Variants in RALY observed in about 807,000 individuals in gnomAD.
RALY encodes the protein RALY heterogeneous nuclear ribonucleoprotein, also known as RNA-binding protein Raly.
A neutral mutation model predicts 30.7 loss-of-function variants in RALY; 15 were observed. That is an observed-to-expected ratio of 0.49 (90% CI 0.33 to 0.75). RALY has a LOEUF of 0.75. Ranked by LOEUF, RALY falls within the 30% of genes least tolerant of loss-of-function variation. RALY has a pLI of 0.02. For missense variants in RALY, 339 were observed against 414.3 expected, an observed-to-expected ratio of 0.82 and a Z score of 1.58; for synonymous variants, 177 against 170.8, an observed-to-expected ratio of 1.04 and a Z score of -0.28.
intron 1 of RALY, among the ~76,000 whole-genome samples, chr20:34,024,867 C>G (rs530460410): frequency 9.9e-5 from 15 of 152,236 alleles, no homozygotes; most frequent in African/African-American, 3.6e-4. Context: ...GTCAGGTATC[C>G]TTGTGAGGGG....
At chr20:34,063,366 G>A (rs990549465) in intron 2 of RALY, among the ~76,000 whole-genome samples, 1 of 152,166 alleles carries the variant, frequency 6.6e-6, no homozygotes, top group Non-Finnish European at 1.5e-5. Context: ...CAATCTAGTG[G>A]AATGGGAATA....
Position 34,024,409 on chromosome 20 carries a change from G to A in RALY, c.-92-7113G>A, listed in dbSNP as rs149459951. On this transcript the variant is annotated intron_variant, in intron 1 of 9. Coordinates refer to ENST00000246194, the MANE Select transcript of RALY (RefSeq NM_016732.3). ...GTTGGATCTTCTAGGGAAGGAGGAG[G>A]GGAAAACTAGAGATAGCTTCAGCTG... 9.5e-4 allele frequency among the ~76,000 whole-genome samples: 144 copies of A among 152,320 alleles called. 1 individual carries two copies. Among genetic ancestry groups the A allele is most frequent in the African/African-American group, 3.4e-3 (142 of 41,562 alleles).
intron 2 of RALY, among the ~76,000 whole-genome samples, chr20:34,063,794 C>G (rs1021487032): frequency 7.2e-5 from 11 of 152,144 alleles, no homozygotes; most frequent in Admixed American, 6.5e-5. Flanking sequence ...CAGGCCTCTT[C>G]TGGTGTCACT....
At chr20:34,069,003 G>GAGC (rs1385204138) in intron 2 of RALY, among the ~76,000 whole-genome samples, 2 of 152,232 alleles carry the variant, frequency 1.3e-5, no homozygotes, top group Non-Finnish European at 2.9e-5. Context: ...TGCCATAGGT[G>GAGC]AGCATTTCTC....
At chr20:34,001,019 G>A (rs181471409) in intron 1 of RALY, among the ~76,000 whole-genome samples, 47 of 152,312 alleles carry the variant, frequency 3.1e-4, no homozygotes, top group Admixed American at 1.3e-3. Flanking sequence ...AGTATTGAGA[G>A]TATCTCAGAG....
chr20:34,081,525 A>G lies in RALY; in HGVS notation c.*1620A>G, dbSNP rs1257485591. The stretch of plus-strand genomic sequence containing the variant: ...CCCTCCATCTTTACGTGTTGATCAA[A>G]GTTTGCAGATCTGCTGGAATCCTTA... On this transcript the variant is annotated 3_prime_UTR_variant, in exon 10 of 10. Transcript: ENST00000246194. 6.6e-6 allele frequency: 1 copy of G among 152,126 alleles called. No homozygotes were observed. Among genetic ancestry groups the G allele is most frequent in the African/African-American group, 2.4e-5 (1 of 41,390 alleles). The allele number at this position is 152,126 out of a possible 1,614,324, so 9.4% of individuals were successfully genotyped here. A position where few individuals can be genotyped will look rare whatever the true frequency, so the allele number is the denominator to read the frequency against.
At chr20:34,033,346 T>C (rs76729048) in intron 2 of RALY, 1 of 152,224 alleles carries the variant, frequency 6.6e-6, no homozygotes, top group Admixed American at 6.5e-5. Flanking sequence ...TAAGTGTCTG[T>C]CTTAGCTCGT....
rs746258941 is a variant in RALY, at chr20:34,077,084, AGCGGTGGCGGTGGCAGTGGTGGTG to A, written c.732_755del (p.Gly245_Ser252del). ...CGGCGGCGGCGGCGGTGGTGGTGGC[AGCGGTGGCGGTGGCAGTGGTGGTG>A]GCGGTGGCGGTGGCAGCAGCCGGCC... On this transcript the variant is annotated inframe_deletion, in exon 8 of 10. Transcript: ENST00000246194. 1.6e-4 allele frequency: 260 copies of A among 1,605,342 alleles called. 1 individual carries two copies. Among genetic ancestry groups the A allele is most frequent in the South Asian group, 8.2e-4 (74 of 90,186 alleles).
chr20:34,073,333 G>C (rs1373171428), intron 3 of RALY, among the ~76,000 whole-genome samples: 1 of 152,110 alleles, frequency 6.6e-6, no homozygotes, highest in East Asian at 1.9e-4. Context: ...AGCATGCCTG[G>C]ATGGATCTGA....
rs2033752444 is a variant in RALY at position 34,072,392 on chromosome 20, T to TTC, written c.256+65_256+66dup. ...TAGAATAGCTGCTATCACTATCCAGTTCTCAACCCCCTTCTCTCTTTCTCT... is the reference window on the plus strand; with the variant it reads ...TAGAATAGCTGCTATCACTATCCAGTTCTCTCAACCCCCTTCTCTCTTTCTCT... On this transcript the variant is annotated intron_variant, in intron 3 of 9. Transcript: ENST00000246194. 3 of 1,534,460 alleles carry TTC rather than the reference T, an allele frequency of 2.0e-6. No individual in the cohort carries two copies. The South Asian group carries it at 3.7e-5, about 19-fold the overall frequency.
intron 2 of RALY, among the ~76,000 whole-genome samples, chr20:34,050,800 T>G (rs2033052672): frequency 6.6e-6 from 1 of 151,980 alleles, no homozygotes; most frequent in African/African-American, 2.4e-5. Context: ...TGGTGAGGAG[T>G]CTAGCCCCAC....
At chr20:34,055,200 A>T (rs2033204040) in intron 2 of RALY, among the ~76,000 whole-genome samples, 1 of 152,218 alleles carries the variant, frequency 6.6e-6, no homozygotes, top group Non-Finnish European at 1.5e-5. Flanking sequence ...AAAAAGAGCC[A>T]TTGTGACCTT....
At chr20:34,062,226 T>C (rs941204472) in intron 2 of RALY, among the ~76,000 whole-genome samples, 1 of 152,192 alleles carries the variant, frequency 6.6e-6, no homozygotes, top group Non-Finnish European at 1.5e-5. Context: ...GGCCATTGGT[T>C]ACTCTAGAGG....
chr20:34,064,566 GT>G (rs2033514035), intron 2 of RALY, among the ~76,000 whole-genome samples: 2 of 152,148 alleles, frequency 1.3e-5, no homozygotes, highest in South Asian at 2.1e-4. Flanking sequence ...CCTTTGTGAA[GT>G]TTCTAGGTTT....
chr20:34,040,864 G>A (rs1052093411), intron 2 of RALY, among the ~76,000 whole-genome samples: 8 of 152,200 alleles, frequency 5.3e-5, no homozygotes, highest in African/African-American at 1.9e-4. Flanking sequence ...AAGGTAAGCT[G>A]TTTCCTGAGT....
chr20:34,032,922 G>A (rs2032339997), intron 2 of RALY, among the ~76,000 whole-genome samples: 1 of 152,156 alleles, frequency 6.6e-6, no homozygotes, highest in Admixed American at 6.6e-5. Flanking sequence ...AGGGCAGGTA[G>A]GAGTTAGGGG....
intron 5 of RALY, 138 bp from the exon 6 acceptor site, chr20:34,075,736 G>A (rs2033855785): frequency 1.0e-6 from 1 of 971,274 alleles, no homozygotes; most frequent in African/African-American, 1.6e-5. Flanking sequence ...TCACTCCAGG[G>A]CTTGCTAGGA....
rs954249311 is a variant in RALY at position 34,084,526 on chromosome 20, A to G, written c.*4621A>G. 2.0e-5 allele frequency: 3 copies of G among 152,274 alleles called. No individual in the cohort carries two copies. The highest frequency in any genetic ancestry group is 7.2e-5 in the African/African-American group (3 of 41,460). The allele number at this position is 152,274 out of a possible 1,614,324, so 9.4% of individuals were successfully genotyped here. ...AAGCATGGCCCCAAGTAAAGGTGGC[A>G]TCTCTATCCTATCCTCGCCTTTATC... On this transcript the variant is annotated 3_prime_UTR_variant, in exon 10 of 10. Coordinates refer to ENST00000246194, the MANE Select transcript of RALY (RefSeq NM_016732.3).
chr20:34,053,571 A>G (rs2033150564), intron 2 of RALY, among the ~76,000 whole-genome samples: 1 of 151,368 alleles, frequency 6.6e-6, no homozygotes, highest in African/African-American at 2.4e-5. Context: ...CTAATTTTTA[A>G]TTGTTTTTAG....
Sources: allele counts gnomAD v4.1 joint callset (sites outside exome capture counted in the v4.1 genomes callset), GRCh38; gene constraint gnomAD v4.1.1; transcripts MANE v1.5; gene names NCBI Gene and HGNC (gene_info 2026-07-23, HGNC 2026-07-21).